CTNNA3: variants seen among roughly 807,000 people sequenced by gnomAD.
The protein encoded by CTNNA3 is catenin alpha 3.
In CTNNA3, 76 loss-of-function variants were observed where a neutral mutation model predicts 95.7. The ratio of observed to expected loss-of-function variants is 0.79; its 90% CI spans 0.66 to 0.96. CTNNA3 has a LOEUF of 0.96. Ranked by LOEUF, CTNNA3 falls within the 40% of genes least tolerant of loss-of-function variation. CTNNA3 has a pLI of 0.00. For missense variants in CTNNA3, 1,191 were observed against 1,089.8 expected (o/e 1.09, Z -1.31); for synonymous variants, 431 against 374.4 (o/e 1.15, Z -1.74).
In CTNNA3 at chr10:65,934,019, T is replaced by A. The variant is rs143296404; in HGVS notation, c.2401-13402A>T. Among the ~76,000 whole-genome samples, 1,328 of 152,210 alleles carry A rather than the reference T, an allele frequency of 8.7e-3. 9 individuals carry two copies. Among genetic ancestry groups the A allele is most frequent in the Non-Finnish European group, 0.013 (866 of 67,980 alleles). On this transcript the variant is annotated intron_variant, in intron 17 of 17. Transcript: ENST00000433211. The stretch of plus-strand genomic sequence containing the variant: ...AAACATGAAATTTAGAGCTGCTGTA[T>A]CCATATTGAAATTATGAGGAAACAC...
At chr10:67,089,947 A>T (rs1857532486) in intron 7 of CTNNA3, among the ~76,000 whole-genome samples, 1 of 152,102 alleles carries the variant, frequency 6.6e-6, no homozygotes, top group South Asian at 2.1e-4. Context: ...TGTTTTACAT[A>T]AAGAAAAAAT....
chr10:66,618,855 C>A (rs1477473258), intron 10 of CTNNA3, among the ~76,000 whole-genome samples: 14 of 151,942 alleles, frequency 9.2e-5, no homozygotes, highest in East Asian at 1.9e-4. Flanking sequence ...AACTCAAACA[C>A]ATTTACAAGA....
At chr10:66,526,432 T>C (rs951168753) in intron 10 of CTNNA3, among the ~76,000 whole-genome samples, 1 of 152,054 alleles carries the variant, frequency 6.6e-6, no homozygotes, top group Non-Finnish European at 1.5e-5. Flanking sequence ...GGTGATCTAC[T>C]GGCCTCAGCC....
rs545477034 is a variant in CTNNA3, at chr10:67,107,442, A to G, written c.1047+72875T>C. On this transcript the variant is annotated intron_variant, in intron 7 of 17. Transcript: ENST00000433211. ...TTTGAAGACTGATCCAGGCAATGGCATTAATTTCAAATAATTATGTGAATT... is the reference window on the plus strand; with the variant it reads ...TTTGAAGACTGATCCAGGCAATGGCGTTAATTTCAAATAATTATGTGAATT... 2.9e-3 allele frequency among the ~76,000 whole-genome samples: 439 copies of G among 152,354 alleles called. 2 individuals are homozygous for G. The highest frequency in any genetic ancestry group is 5.3e-3 in the Non-Finnish European group (361 of 68,034).
chr10:66,685,285 G>T (rs1589122072), intron 9 of CTNNA3, among the ~76,000 whole-genome samples: 1 of 59,582 alleles, frequency 1.7e-5, no homozygotes, highest in African/African-American at 9.6e-5. Context: ...GTATATATAA[G>T]TATATATATG....
intron 12 of CTNNA3, among the ~76,000 whole-genome samples, chr10:66,293,127 A>C (rs72799166): frequency 0.048 from 7,294 of 152,304 alleles, 259 homozygotes; most frequent in Middle Eastern, 0.095. Flanking sequence ...GCTAGCAAAA[A>C]ATGAATCACA....
intron 11 of CTNNA3, among the ~76,000 whole-genome samples, chr10:66,456,208 A>G (rs1190501290): frequency 6.6e-6 from 1 of 152,192 alleles, no homozygotes; most frequent in Non-Finnish European, 1.5e-5. Flanking sequence ...ATGGAAATTC[A>G]AAGGAATTAT....
In CTNNA3 at chr10:66,841,869, A is replaced by G. The variant is rs78192240; in HGVS notation, c.1048-66345T>C. ...ACAACTGCCATAAAATGGATATGAA[A>G]AAATGATTTATGAGGGTCAAAGGTA... is the stretch of plus-strand genomic sequence containing the variant. On this transcript the variant is annotated intron_variant, in intron 7 of 17. Coordinates refer to ENST00000433211, the MANE Select transcript of CTNNA3 (RefSeq NM_013266.4). Among the ~76,000 whole-genome samples, 517 of 152,296 alleles carry G rather than the reference A, an allele frequency of 3.4e-3. 7 individuals carry two copies. The highest frequency in any genetic ancestry group is 0.012 in the African/African-American group (497 of 41,564).
At chr10:67,473,678 C>T (rs927279224) in intron 5 of CTNNA3, among the ~76,000 whole-genome samples, 3 of 151,708 alleles carry the variant, frequency 2.0e-5, no homozygotes, top group Admixed American at 2.0e-4. Context: ...AGATCAGAAA[C>T]ATTGGAAAAA....
chr10:66,976,950 T>A (rs1400797410), intron 7 of CTNNA3, among the ~76,000 whole-genome samples: 3 of 152,202 alleles, frequency 2.0e-5, no homozygotes, highest in African/African-American at 7.2e-5. Context: ...AAAATTTAAA[T>A]TTCTAGTATG....
chr10:67,126,658 G>A (rs1859735472), intron 7 of CTNNA3, among the ~76,000 whole-genome samples: 1 of 152,204 alleles, frequency 6.6e-6, no homozygotes, highest in Admixed American at 6.5e-5. Context: ...TCAGCCACAA[G>A]GCAAATATAT....
chr10:67,684,744 CTTG>C (rs1840697780), intron 1 of CTNNA3, among the ~76,000 whole-genome samples: 1 of 152,150 alleles, frequency 6.6e-6, no homozygotes, highest in South Asian at 2.1e-4. Flanking sequence ...CCATCTGTAA[CTTG>C]ATGGCCTTGA....
intron 13 of CTNNA3, among the ~76,000 whole-genome samples, chr10:66,234,735 T>TTATTATTTACAACTATGCAAAACTCC (rs1296647376): frequency 6.6e-6 from 1 of 152,190 alleles, no homozygotes; most frequent in Non-Finnish European, 1.5e-5. Flanking sequence ...TCCCTTCCTC[T>TTATTATTTACAACTATGCAAAACTCC]TATTATTTAC....
chr10:66,893,836 CA>C (rs1845368917), intron 7 of CTNNA3, among the ~76,000 whole-genome samples: 1 of 152,104 alleles, frequency 6.6e-6, no homozygotes, highest in South Asian at 2.1e-4. Context: ...AGACTGAGTC[CA>C]AGGAAGTCCT....
chr10:67,096,325 CG>C (rs1857990823), intron 7 of CTNNA3, among the ~76,000 whole-genome samples: 1 of 151,558 alleles, frequency 6.6e-6, no homozygotes, highest in South Asian at 2.1e-4. Flanking sequence ...GTGGCAAAGA[CG>C]GTTCTAATGC....
intron 7 of CTNNA3, among the ~76,000 whole-genome samples, chr10:66,937,894 T>C (rs981356510): frequency 6.6e-6 from 1 of 152,138 alleles, no homozygotes; most frequent in Non-Finnish European, 1.5e-5. Flanking sequence ...TTTTCTGTTT[T>C]TTTTCCCCCT....
chr10:66,821,154 T>C lies in CTNNA3; in HGVS notation c.1048-45630A>G, dbSNP rs546489404. 7.2e-5 allele frequency among the ~76,000 whole-genome samples: 11 copies of C among 152,268 alleles called. No homozygotes were observed. The South Asian group carries it at 2.3e-3, about 32-fold the overall frequency. ...AAACATCTAAGTCTATTCATGCACA[T>C]AGTTTCCTTGTAAATTTTGTGATTA... is the stretch of plus-strand genomic sequence containing the variant. On this transcript the variant is annotated intron_variant, in intron 7 of 17. Coordinates refer to ENST00000433211, the MANE Select transcript of CTNNA3 (RefSeq NM_013266.4).
intron 7 of CTNNA3, among the ~76,000 whole-genome samples, chr10:67,145,767 T>C (rs1860812235): frequency 6.6e-6 from 1 of 152,148 alleles, no homozygotes; most frequent in Admixed American, 6.5e-5. Flanking sequence ...TATAAATATA[T>C]ATTTGAAATA....
chr10:67,660,468 T>C (rs1307362573), intron 1 of CTNNA3, among the ~76,000 whole-genome samples: 1 of 151,960 alleles, frequency 6.6e-6, no homozygotes, highest in Non-Finnish European at 1.5e-5. Context: ...GCTGTGGAAT[T>C]ACACAGCAAA....
Sources: allele counts gnomAD v4.1 joint callset (sites outside exome capture counted in the v4.1 genomes callset), GRCh38; gene constraint gnomAD v4.1.1; transcripts MANE v1.5; gene names NCBI Gene and HGNC (gene_info 2026-07-23, HGNC 2026-07-21).